Variants in COL23A1 observed in about 807,000 individuals in gnomAD.
The protein encoded by COL23A1 is collagen type XXIII alpha 1 chain.
Under a neutral mutation model 99.3 loss-of-function variants are expected in COL23A1, and 97 were observed. The ratio of observed to expected loss-of-function variants is 0.98; its 90% CI spans 0.83 to 1.16. The LOEUF (loss-of-function observed/expected upper bound fraction) is 1.16. Ranked by LOEUF, COL23A1 falls within the 50% of genes most tolerant of loss-of-function variation. COL23A1 has a pLI of 0.00. For missense variants in COL23A1, 762 were observed against 757.4 expected (o/e 1.01, Z -0.07); for synonymous variants, 320 against 308.2 (o/e 1.04, Z -0.40).
At position 178,287,654 on chromosome 5, in the gene COL23A1, A is replaced by G. The variant is rs1757229141; in HGVS notation, c.441+670T>C. Among the ~76,000 whole-genome samples the G allele has an allele frequency of 2.6e-5, 4 of 152,224 alleles. 1 individual carries two copies. In the South Asian group the frequency reaches 8.3e-4, roughly 32 times the overall value. ...CCCTGCATCTTCCTGCCCTGGAGGC[A>G]CAAAATGAATCTGCCCCTCCCCTGA... is the stretch of plus-strand genomic sequence containing the variant. On this transcript the variant is annotated intron_variant, in intron 5 of 28. Coordinates refer to ENST00000390654, the MANE Select transcript of COL23A1 (RefSeq NM_173465.4).
rs559763793 is a variant in COL23A1 at position 178,411,128 on chromosome 5, A to G, written c.362-104209T>C. Reference sequence around the variant, plus strand: ...ACCCACTAGGAAGGTTAAACCAACAACAATAACAACCCAGAAAATAACAAG... The same window carrying G: ...ACCCACTAGGAAGGTTAAACCAACAGCAATAACAACCCAGAAAATAACAAG... On this transcript the variant is annotated intron_variant, in intron 2 of 28. Coordinates refer to ENST00000390654, the MANE Select transcript of COL23A1 (RefSeq NM_173465.4). 2.6e-5 allele frequency among the ~76,000 whole-genome samples: 4 copies of G among 152,256 alleles called. No individual in the cohort carries two copies. In the East Asian group the frequency reaches 7.7e-4, roughly 29 times the overall value.
At position 178,415,436 on chromosome 5, in the gene COL23A1, G is replaced by C. The variant is rs1231348105; in HGVS notation, c.362-108517C>G. On this transcript the variant is annotated intron_variant, in intron 2 of 28. Coordinates refer to ENST00000390654, the MANE Select transcript of COL23A1 (RefSeq NM_173465.4). This position sits in a 1 kb window ranked among gnomAD's most constrained non-coding sequence, Gnocchi z 4.6. Reference sequence around the variant, plus strand: ...CACAGGCTGTGGCCTCTTTCTCCCCGGGCCCGGGCCCTGGAGCACGGCTCA... The same window carrying C: ...CACAGGCTGTGGCCTCTTTCTCCCCCGGCCCGGGCCCTGGAGCACGGCTCA... Among the ~76,000 whole-genome samples the C allele has an allele frequency of 6.6e-6, 1 of 152,036 alleles. No individual in the cohort carries two copies. Among genetic ancestry groups the C allele is most frequent in the South Asian group, 2.1e-4 (1 of 4,814 alleles).
At chr5:178,508,681 G>A (rs536695) in intron 2 of COL23A1, among the ~76,000 whole-genome samples, 89,099 of 151,226 alleles carry the variant, frequency 0.59, 26,860 homozygotes, top group East Asian at 0.88. Context: ...GGCCGGGAGA[G>A]GCCACTCCAC....
Position 178,378,478 on chromosome 5 carries a change from G to A in COL23A1, c.362-71559C>T, listed in dbSNP as rs144050474. ...GGGCTGGGAAGCCTAACTGGGAATTGGCATATGGGTTTTTGGTAAATCCAG... is the reference window on the plus strand; with the variant it reads ...GGGCTGGGAAGCCTAACTGGGAATTAGCATATGGGTTTTTGGTAAATCCAG... On this transcript the variant is annotated intron_variant, in intron 2 of 28. Coordinates refer to ENST00000390654, the MANE Select transcript of COL23A1 (RefSeq NM_173465.4). Among the ~76,000 whole-genome samples, 147 of 152,314 alleles carry A rather than the reference G, an allele frequency of 9.7e-4. 1 individual carries two copies. The highest frequency in any genetic ancestry group is 3.2e-3 in the African/African-American group (135 of 41,566).
chr5:178,542,662 A>G (rs559636458), intron 2 of COL23A1, among the ~76,000 whole-genome samples: 2 of 150,226 alleles, frequency 1.3e-5, no homozygotes, highest in Non-Finnish European at 3.0e-5. Flanking sequence ...AAAAAATACC[A>G]GAGCTCTAGA....
At chr5:178,293,352 A>G (rs1443267186) in intron 3 of COL23A1, among the ~76,000 whole-genome samples, 1 of 151,980 alleles carries the variant, frequency 6.6e-6, no homozygotes, top group African/African-American at 2.4e-5. Flanking sequence ...CAGGAGGAAG[A>G]GTGCCTGGTG....
chr5:178,289,011 G>A (rs925481828), intron 4 of COL23A1, among the ~76,000 whole-genome samples: 1 of 152,070 alleles, frequency 6.6e-6, no homozygotes, highest in Non-Finnish European at 1.5e-5. Context: ...AGCCCCCGGC[G>A]TTAGGTACTT....
intron 2 of COL23A1, among the ~76,000 whole-genome samples, chr5:178,379,665 G>A (rs529887581): frequency 5.9e-5 from 9 of 152,170 alleles, no homozygotes; most frequent in African/African-American, 1.4e-4. Context: ...GCGGATCACC[G>A]GAGGTCGGGA....
chr5:178,300,721 G>GTATTTATTTATT (rs55980122), intron 3 of COL23A1, among the ~76,000 whole-genome samples: 97 of 145,850 alleles, frequency 6.7e-4, no homozygotes, highest in African/African-American at 1.6e-3. Context: ...GCTAGCTTTT[G>GTATTTATTTATT]TATTTATTTA....
chr5:178,436,536 G>A (rs1581388719), intron 2 of COL23A1, among the ~76,000 whole-genome samples: 1 of 152,322 alleles, frequency 6.6e-6, no homozygotes, highest in East Asian at 1.9e-4. Context: ...GAAACACACT[G>A]TGTGTTCTTC....
chr5:178,246,636 C>A (rs560709354), intron 22 of COL23A1, among the ~76,000 whole-genome samples, 183 bp from the exon 23 acceptor site: 1 of 152,020 alleles, frequency 6.6e-6, no homozygotes, highest in Non-Finnish European at 1.5e-5. Flanking sequence ...ATGCGCATTG[C>A]GCCTTTTCCA....
At chr5:178,451,530 A>G (rs1767484908) in intron 2 of COL23A1, among the ~76,000 whole-genome samples, 1 of 151,878 alleles carries the variant, frequency 6.6e-6, no homozygotes, top group South Asian at 2.1e-4. Flanking sequence ...TGGTAGGCAC[A>G]TAAGTAATCT....
intron 2 of COL23A1, among the ~76,000 whole-genome samples, chr5:178,474,151 G>A (rs1320944590): frequency 1.2e-4 from 19 of 152,150 alleles, no homozygotes; most frequent in African/African-American, 3.9e-4. Context: ...TAAATTACAC[G>A]TGTGACTTCC....
At chr5:178,583,376 G>A (rs1014726239) in intron 1 of COL23A1, among the ~76,000 whole-genome samples, 29 of 152,198 alleles carry the variant, frequency 1.9e-4, no homozygotes, top group Admixed American at 1.6e-3. Context: ...TGGTTTTGCC[G>A]GCCTCATGTC....
At chr5:178,488,044 G>GGCTACTGTGAGAATGATGAGAATAAAT (rs1757728433) in intron 2 of COL23A1, among the ~76,000 whole-genome samples, 5 of 152,286 alleles carry the variant, frequency 3.3e-5, no homozygotes, top group African/African-American at 1.2e-4. Flanking sequence ...GACTTCACTG[G>GGCTACTGTGAGAATGATGAGAATAAAT]GCTACTGTGA....
At chr5:178,328,573 G>A (rs1386996324) in intron 2 of COL23A1, among the ~76,000 whole-genome samples, 1 of 152,180 alleles carries the variant, frequency 6.6e-6, no homozygotes, top group African/African-American at 2.4e-5. Context: ...GCAGCTGTTA[G>A]CATTATGGCT....
At chr5:178,582,125 T>G (rs1473706375) in intron 1 of COL23A1, among the ~76,000 whole-genome samples, 2 of 146,452 alleles carry the variant, frequency 1.4e-5, no homozygotes, top group Admixed American at 1.4e-4. Context: ...GAAGACTGTT[T>G]GAGGCCAGGA....
intron 3 of COL23A1, among the ~76,000 whole-genome samples, chr5:178,291,907 C>G (rs1255791746): frequency 6.6e-6 from 1 of 152,116 alleles, no homozygotes; most frequent in Non-Finnish European, 1.5e-5. Flanking sequence ...TTCCCCAAGT[C>G]TAGATCAGGG....
intron 16 of COL23A1, among the ~76,000 whole-genome samples, chr5:178,253,733 G>A (rs1005846158): frequency 1.3e-5 from 2 of 151,794 alleles, no homozygotes; most frequent in Non-Finnish European, 1.5e-5. Context: ...CACCTGCCTC[G>A]GGCTCCCAAA....
Sources: allele counts gnomAD v4.1 joint callset (sites outside exome capture counted in the v4.1 genomes callset), GRCh38; gene constraint gnomAD v4.1.1; non-coding constraint Gnocchi (gnomAD v3.1); transcripts MANE v1.5; gene names NCBI Gene and HGNC (gene_info 2026-07-23, HGNC 2026-07-21).